The following RUNDC3B variants were observed in gnomAD, a reference collection of about 807,000 sequenced individuals.
The protein encoded by RUNDC3B is RUN domain-containing protein 3B.
A neutral mutation model predicts 58.4 loss-of-function variants in RUNDC3B; 33 were observed. The ratio of observed to expected loss-of-function variants is 0.56; its 90% CI spans 0.43 to 0.75. RUNDC3B has a LOEUF of 0.75. RUNDC3B is among the 30% of genes least tolerant of loss of function. The pLI is 0.00. For missense variants in RUNDC3B, 501 were observed against 535.7 expected, an observed-to-expected ratio of 0.94 and a Z score of 0.64; for synonymous variants, 193 against 195.2, an observed-to-expected ratio of 0.99 and a Z score of 0.10.
intron 1 of RUNDC3B, among the ~76,000 whole-genome samples, chr7:87,644,701 T>C (rs2130323244): frequency 6.6e-6 from 1 of 152,202 alleles, no homozygotes. Context: ...AAATAATATA[T>C]GCTTGTTGTA....
chr7:87,790,685 G>A (rs1563211743), intron 8 of RUNDC3B, among the ~76,000 whole-genome samples: 1 of 151,900 alleles, frequency 6.6e-6, no homozygotes, highest in Non-Finnish European at 1.5e-5. Context: ...GCTGAAAAAT[G>A]CAATTGATAT....
chr7:87,660,162 G>A (rs969826717), intron 2 of RUNDC3B, among the ~76,000 whole-genome samples: 14 of 151,986 alleles, frequency 9.2e-5, no homozygotes, highest in Admixed American at 2.0e-4. Context: ...AGAATTTTGC[G>A]TAAGTTTGGA....
intron 1 of RUNDC3B, among the ~76,000 whole-genome samples, chr7:87,642,342 C>T (rs1822542217): frequency 6.6e-6 from 1 of 151,860 alleles, no homozygotes; most frequent in Admixed American, 6.6e-5. Flanking sequence ...TTCTGTTCTT[C>T]ACGTTGTTCT....
intron 1 of RUNDC3B, among the ~76,000 whole-genome samples, chr7:87,644,305 T>C (rs371861357): frequency 4.6e-5 from 7 of 152,232 alleles, no homozygotes; most frequent in African/African-American, 1.7e-4. Flanking sequence ...GTGTGGATTG[T>C]GTCATGTCTC....
Position 87,681,538 on chromosome 7 carries a change from T to C in RUNDC3B, c.239-18883T>C, listed in dbSNP as rs1055169458. ...TAATCTATTAAGTGTGTAATAGCATTATGTCTAAAAAATGTACATACCCTA... is the reference window on the plus strand; with the variant it reads ...TAATCTATTAAGTGTGTAATAGCATCATGTCTAAAAAATGTACATACCCTA... On this transcript the variant is annotated intron_variant, in intron 2 of 10. Coordinates refer to ENST00000394654, the MANE Select transcript of RUNDC3B (RefSeq NM_001134405.2). 2.8e-4 allele frequency among the ~76,000 whole-genome samples: 42 copies of C among 150,772 alleles called. 3 individuals carry two copies. The highest frequency in any genetic ancestry group is 1.0e-3 in the African/African-American group (42 of 40,656).
At chr7:87,709,666 C>A (rs1829894487) in intron 3 of RUNDC3B, among the ~76,000 whole-genome samples, 1 of 152,114 alleles carries the variant, frequency 6.6e-6, no homozygotes, top group Non-Finnish European at 1.5e-5. Context: ...GACTTGCAGA[C>A]ATTTCTAGAG....
intron 4 of RUNDC3B, among the ~76,000 whole-genome samples, chr7:87,727,854 A>G (rs1831331504): frequency 6.6e-6 from 1 of 152,172 alleles, no homozygotes; most frequent in African/African-American, 2.4e-5. Flanking sequence ...TAACAAAGAG[A>G]CAAGTACCAT....
intron 1 of RUNDC3B, among the ~76,000 whole-genome samples, chr7:87,635,235 A>C (rs1221577492): frequency 6.6e-6 from 1 of 151,944 alleles, no homozygotes. Context: ...ATTGCTCCAC[A>C]CTCTTCTATC....
rs960002404 is a variant in RUNDC3B at position 87,690,693 on chromosome 7, T to G, written c.239-9728T>G. On this transcript the variant is annotated intron_variant, in intron 2 of 10. Transcript: ENST00000394654. ...CCTATGTAAATACAAAGTGAAAGAT[T>G]ATAAGCAACTCGCCTTAACAGTATT... 1.1e-4 allele frequency among the ~76,000 whole-genome samples: 17 copies of G among 152,134 alleles called. 1 individual carries two copies. Among genetic ancestry groups the G allele is most frequent in the Admixed American group, 5.2e-4 (8 of 15,268 alleles).
chr7:87,710,671 T>C lies in RUNDC3B; in HGVS notation c.458+16T>C. 7.4e-7 allele frequency: 1 copy of C among 1,343,786 alleles called. No individual in the cohort carries two copies. Among genetic ancestry groups the C allele is most frequent in the East Asian group, 2.3e-5 (1 of 43,140 alleles). The allele number at this position is 1,343,786 out of a possible 1,614,324, so 83.2% of individuals were successfully genotyped here. A position where few individuals can be genotyped will look rare whatever the true frequency, so the allele number is the denominator to read the frequency against. On this transcript the variant is annotated intron_variant, in intron 4 of 10. Transcript: ENST00000394654. ...AAACAACCAGGTTTAAAAGTCCTTT[T>C]AATTTTCTAATATATATTTGAAAGA...
At chr7:87,818,244 A>G (rs1159011566) in intron 10 of RUNDC3B, among the ~76,000 whole-genome samples, 1 of 152,170 alleles carries the variant, frequency 6.6e-6, no homozygotes, top group Non-Finnish European at 1.5e-5. Context: ...GCATTTTGAC[A>G]CTATAAAAAC....
chr7:87,715,361 A>C (rs7808045), intron 4 of RUNDC3B, among the ~76,000 whole-genome samples: 2 of 118,284 alleles, frequency 1.7e-5, no homozygotes, highest in Non-Finnish European at 3.3e-5. Flanking sequence ...ATATATAATT[A>C]ATTTATAATA....
intron 3 of RUNDC3B, among the ~76,000 whole-genome samples, chr7:87,707,790 T>C (rs1829741751): frequency 6.6e-6 from 1 of 152,178 alleles, no homozygotes; most frequent in African/African-American, 2.4e-5. Context: ...CCATAGTTTA[T>C]CTCAGTGAAT....
In RUNDC3B at chr7:87,703,885, CTTTTTTTTTTTTTTT is replaced by C; in HGVS notation, c.372+3344_372+3358del. On this transcript the variant is annotated intron_variant, in intron 3 of 10. Coordinates refer to ENST00000394654, the MANE Select transcript of RUNDC3B (RefSeq NM_001134405.2). ...CTTAGGTGAGCTTTATCAGTTTTTT[CTTTTTTTTTTTTTTT>C]TTTTTTTTTTTTGGTTTTTTTTTTT... is the stretch of plus-strand genomic sequence containing the variant. Among the ~76,000 whole-genome samples the C allele has an allele frequency of 1.8e-4, 11 of 60,296 alleles. No individual in the cohort carries two copies. In the East Asian group the frequency reaches 4.6e-3, roughly 25 times the overall value. The allele number at this position is 60,296 out of a possible 152,430, so 39.6% of individuals were successfully genotyped here.
At chr7:87,813,080 T>C (rs1026679062) in intron 9 of RUNDC3B, among the ~76,000 whole-genome samples, 1 of 152,264 alleles carries the variant, frequency 6.6e-6, no homozygotes, top group African/African-American at 2.4e-5. Flanking sequence ...CAGTTCTTAA[T>C]ATTTTATTAA....
intron 1 of RUNDC3B, among the ~76,000 whole-genome samples, chr7:87,638,987 C>T (rs924538853): frequency 1.3e-5 from 2 of 151,932 alleles, no homozygotes; most frequent in African/African-American, 4.8e-5. Context: ...CCCGTCTCTA[C>T]TAAAAATACA....
chr7:87,772,058 A>AT (rs1834313290), intron 7 of RUNDC3B, among the ~76,000 whole-genome samples: 2 of 152,214 alleles, frequency 1.3e-5, no homozygotes, highest in Non-Finnish European at 2.9e-5. Flanking sequence ...GTAGAACAGC[A>AT]TTCCATAGTA....
At chr7:87,723,191 A>G (rs1831010585) in intron 4 of RUNDC3B, among the ~76,000 whole-genome samples, 1 of 152,208 alleles carries the variant, frequency 6.6e-6, no homozygotes, top group Admixed American at 6.5e-5. Flanking sequence ...CTGAATAGAT[A>G]AATAAAATAG....
chr7:87,791,668 C>A (rs186799302), intron 8 of RUNDC3B, among the ~76,000 whole-genome samples: 54 of 151,822 alleles, frequency 3.6e-4, no homozygotes, highest in African/African-American at 1.2e-3. Context: ...GGTTATAAGA[C>A]AGAATTTGGA....
Sources: gnomAD v4.1 joint callset for allele counts (sites outside exome capture counted in the v4.1 genomes callset) on GRCh38, gnomAD v4.1.1 for gene constraint, MANE v1.5 for transcripts, NCBI Gene and HGNC (gene_info 2026-07-23, HGNC 2026-07-21) for gene names.